The following DYRK1A variants were observed in gnomAD, a reference collection of about 807,000 sequenced individuals.
DYRK1A encodes the protein dual specificity tyrosine-phosphorylation-regulated kinase 1A.
Under a neutral mutation model 79.7 loss-of-function variants are expected in DYRK1A, and 9 were observed. The ratio of observed to expected loss-of-function variants is 0.11; its 90% CI spans 0.07 to 0.20. The LOEUF (loss-of-function observed/expected upper bound fraction) is 0.20, where lower values mean the gene tolerates loss of function less well. Among genes scored for constraint, DYRK1A ranks in the 10% least tolerant of loss-of-function variants. The pLI is 1.00. For missense variants in DYRK1A, 622 were observed against 956.0 expected (o/e 0.65, Z 4.61); for synonymous variants, 349 against 329.7 (o/e 1.06, Z -0.63).
chr21:37,442,123 G>A (rs2051126030), intron 2 of DYRK1A, among the ~76,000 whole-genome samples: 1 of 151,394 alleles, frequency 6.6e-6, no homozygotes, highest in South Asian at 2.1e-4. Flanking sequence ...CTCTTTTTCT[G>A]GCCGTTTTTA....
chr21:37,445,332 G>T (rs1008018923), intron 2 of DYRK1A, among the ~76,000 whole-genome samples: 1 of 152,200 alleles, frequency 6.6e-6, no homozygotes, highest in African/African-American at 2.4e-5. Context: ...TAACTAAGGG[G>T]TGTTTTCTGT....
rs79371203 is a variant in DYRK1A at position 37,379,363 on chromosome 21, A to C, written c.-77+11735A>C. Among the ~76,000 whole-genome samples, 523 of 152,358 alleles carry C rather than the reference A, an allele frequency of 3.4e-3. 20 individuals are homozygous for C. In the East Asian group the frequency reaches 0.084, roughly 25 times the overall value. On this transcript the variant is annotated intron_variant, in intron 1 of 11. Coordinates refer to ENST00000647188, the MANE Select transcript of DYRK1A (RefSeq NM_001347721.2). The stretch of plus-strand genomic sequence containing the variant: ...ATTATACTTTAATTTCCAACAGACC[A>C]AAGTGAGTATTTCTGGATTCAAACA...
chr21:37,483,277 C>G (rs563918023), intron 5 of DYRK1A, among the ~76,000 whole-genome samples: 1 of 152,188 alleles, frequency 6.6e-6, no homozygotes, highest in African/African-American at 2.4e-5. Flanking sequence ...GTTCTTCTGC[C>G]GTGGCTTCAG....
rs1041400702 is a variant in DYRK1A at position 37,522,178 on chromosome 21, A to G, written c.*9647A>G. On this transcript the variant is annotated 3_prime_UTR_variant, in exon 12 of 12. Transcript: ENST00000647188. ...AAGATTGTCCAGCCCCTTGCTGCCC[A>G]GTGTAGTCAGTGGGCTGACGACATT... 2.6e-5 allele frequency: 4 copies of G among 152,206 alleles called. No individual in the cohort carries two copies. Among genetic ancestry groups the G allele is most frequent in the Non-Finnish European group, 5.9e-5 (4 of 68,036 alleles). 9.4% of individuals were successfully genotyped at this position (152,206 alleles called of 1,614,324 possible).
At chr21:37,504,262 T>G (rs2053532864) in intron 9 of DYRK1A, 1 of 152,460 alleles carries the variant, frequency 6.6e-6, no homozygotes, top group South Asian at 2.1e-4. Context: ...CTCCTAACTC[T>G]CTGTGCCTGG....
intron 1 of DYRK1A, among the ~76,000 whole-genome samples, chr21:37,374,330 C>T (rs932666914): frequency 6.7e-6 from 1 of 149,714 alleles, no homozygotes; most frequent in Admixed American, 6.7e-5. Context: ...GATATTTAAA[C>T]GTACATTTAC....
chr21:37,431,040 C>T (rs12482362), intron 2 of DYRK1A, among the ~76,000 whole-genome samples: 1 of 152,038 alleles, frequency 6.6e-6, no homozygotes, highest in East Asian at 1.9e-4. Context: ...CCTTTTCTTG[C>T]AGAAAACTGA....
intron 9 of DYRK1A, chr21:37,501,668 A>G (rs1351915647): frequency 2.0e-5 from 3 of 152,206 alleles, no homozygotes; most frequent in Non-Finnish European, 4.4e-5. Context: ...ATGGCCTAGC[A>G]TCTAATGTGT....
At chr21:37,487,449 A>C (rs2052912396) in intron 6 of DYRK1A, 1 of 152,152 alleles carries the variant, frequency 6.6e-6, no homozygotes. Flanking sequence ...CAAATCTAAT[A>C]TGTCAGTGAT....
At chr21:37,458,268 CTGTGTGTGTG>C (rs3138683) in intron 2 of DYRK1A, among the ~76,000 whole-genome samples, 31 of 130,480 alleles carry the variant, frequency 2.4e-4, no homozygotes, top group African/African-American at 4.6e-4. Flanking sequence ...GGGTAATTTA[CTGTGTGTGTG>C]TGTGTGTGTG....
At chr21:37,448,952 C>G (rs548288728) in intron 2 of DYRK1A, among the ~76,000 whole-genome samples, 2 of 152,296 alleles carry the variant, frequency 1.3e-5, no homozygotes, top group East Asian at 3.9e-4. Context: ...CCTGCCTTAG[C>G]CTCCCAAAAT....
chr21:37,410,242 G>C (rs1444652267), intron 1 of DYRK1A, among the ~76,000 whole-genome samples: 2 of 152,192 alleles, frequency 1.3e-5, no homozygotes, highest in South Asian at 2.1e-4. Context: ...TTCAGTTGGA[G>C]AAGAAGCTGA....
At chr21:37,486,431 T>C (rs1409612088) in intron 5 of DYRK1A, 36 bp from the exon 6 acceptor site, 12 of 1,401,210 alleles carry the variant, frequency 8.6e-6, no homozygotes, top group Non-Finnish European at 1.1e-5. Flanking sequence ...ATTTTTGCAA[T>C]TAATGAAATA....
At chr21:37,406,936 G>GT (rs2050159016) in intron 1 of DYRK1A, among the ~76,000 whole-genome samples, 1 of 133,774 alleles carries the variant, frequency 7.5e-6, no homozygotes, top group African/African-American at 2.9e-5. Context: ...AAATTCTTTT[G>GT]ATTTTTTTTT....
At chr21:37,383,283 T>C (rs570323883) in intron 1 of DYRK1A, among the ~76,000 whole-genome samples, 17 of 152,378 alleles carry the variant, frequency 1.1e-4, no homozygotes, top group African/African-American at 3.8e-4. Context: ...TTGGTATCAG[T>C]ATAAGTTGCA....
At chr21:37,457,325 C>T (rs1331637822) in intron 2 of DYRK1A, among the ~76,000 whole-genome samples, 7 of 152,146 alleles carry the variant, frequency 4.6e-5, no homozygotes, top group East Asian at 3.9e-4. Context: ...CTCCACCTCC[C>T]GGGTTCAAGC....
rs903620437 is a variant in DYRK1A at position 37,505,706 on chromosome 21, T to G, written c.1519+117T>G. ...ATAGAGTGGGGAGCAGTTACTTTAC[T>G]TAAATCTGTTCTTTGTAGTTAGTAG... On this transcript the variant is annotated intron_variant, in intron 10 of 11. Coordinates refer to ENST00000647188, the MANE Select transcript of DYRK1A (RefSeq NM_001347721.2). 9 of 1,127,326 alleles carry G rather than the reference T, an allele frequency of 8.0e-6. 1 individual carries two copies. Among genetic ancestry groups the G allele is most frequent in the Non-Finnish European group, 1.1e-5 (9 of 811,658 alleles). The allele number at this position is 1,127,326 out of a possible 1,614,324, so 69.8% of individuals were successfully genotyped here.
intron 7 of DYRK1A, among the ~76,000 whole-genome samples, chr21:37,492,312 A>C (rs1482971256): frequency 6.6e-6 from 1 of 152,226 alleles, no homozygotes; most frequent in Non-Finnish European, 1.5e-5. Flanking sequence ...TAGGAAATTT[A>C]GTTAGGATTT....
intron 11 of DYRK1A, among the ~76,000 whole-genome samples, chr21:37,509,973 A>C (rs2053704703): frequency 6.6e-6 from 1 of 152,224 alleles, no homozygotes; most frequent in South Asian, 2.1e-4. Flanking sequence ...CCCTTCGTCT[A>C]GCATGTCCAC....
Sources: allele counts gnomAD v4.1 joint callset (sites outside exome capture counted in the v4.1 genomes callset), GRCh38; gene constraint gnomAD v4.1.1; transcripts MANE v1.5; gene names NCBI Gene and HGNC (gene_info 2026-07-23, HGNC 2026-07-21).